The following TMEM117 variants were observed in gnomAD, a reference collection of about 807,000 sequenced individuals.
TMEM117 encodes transmembrane protein 117.
In TMEM117, 27 loss-of-function variants were observed where a neutral mutation model predicts 52.4. The ratio of observed to expected loss-of-function variants is 0.51; its 90% CI spans 0.38 to 0.71. The LOEUF (loss-of-function observed/expected upper bound fraction) is 0.71. Among genes scored for constraint, TMEM117 ranks in the 30% least tolerant of loss-of-function variants. The pLI is 0.00. For synonymous variants in TMEM117, 215 were observed against 206.3 expected (o/e 1.04, Z -0.36); for missense variants, 556 against 630.5 (o/e 0.88, Z 1.26).
chr12:43,797,406 T>A, the TMEM117 span: 1 of 1,601,896 alleles, frequency 6.2e-7, no homozygotes, highest in Non-Finnish European at 8.5e-7. Context: ...CAGTTCTGTA[T>A]TTGTTGTGTT....
chr12:44,361,455 G>A (rs1951719671), intron 6 of TMEM117, among the ~76,000 whole-genome samples: 1 of 152,128 alleles, frequency 6.6e-6, no homozygotes, highest in African/African-American at 2.4e-5. Context: ...TGTTTAACTT[G>A]TTTGCCTCTT....
chr12:44,271,344 A>G (rs1005343474), intron 5 of TMEM117, among the ~76,000 whole-genome samples: 1 of 152,070 alleles, frequency 6.6e-6, no homozygotes, highest in African/African-American at 2.4e-5. Context: ...AGATTAAGAA[A>G]TTAGGCCTGA....
At chr12:43,860,693 G>C (rs527750339) in intron 2 of TMEM117, among the ~76,000 whole-genome samples, 245 of 152,220 alleles carry the variant, frequency 1.6e-3, no homozygotes, top group Admixed American at 3.5e-3. Context: ...TGGAGCAGAG[G>C]GAACAGAAAA....
chr12:43,963,653 A>G (rs77611688), intron 3 of TMEM117, among the ~76,000 whole-genome samples: 288 of 152,324 alleles, frequency 1.9e-3, no homozygotes, highest in Admixed American at 5.0e-3. Flanking sequence ...TAGCCATACA[A>G]TGAGTGATGA....
intron 6 of TMEM117, among the ~76,000 whole-genome samples, chr12:44,366,921 C>T (rs941505523): frequency 1.3e-5 from 2 of 152,234 alleles, no homozygotes; most frequent in Admixed American, 6.6e-5. Flanking sequence ...ACTACTGGTA[C>T]AGCAGTGGTA....
chr12:44,272,921 C>T (rs1187237293), intron 5 of TMEM117, among the ~76,000 whole-genome samples: 4 of 152,054 alleles, frequency 2.6e-5, no homozygotes, highest in Admixed American at 2.0e-4. Flanking sequence ...CACATGCACA[C>T]GTATGTTTAT....
rs887859034 is a variant in TMEM117, at chr12:43,997,009, C to T, written c.410+52667C>T. ...GTGCCTGTGATTCCAGTTGTTCTGG[C>T]GGCTCAGTCTTAAGCCAGTAGATTC... On this transcript the variant is annotated intron_variant, in intron 3 of 7. Coordinates refer to ENST00000266534, the MANE Select transcript of TMEM117 (RefSeq NM_032256.3). 5.3e-5 allele frequency among the ~76,000 whole-genome samples: 8 copies of T among 152,182 alleles called. 1 individual carries two copies. Among genetic ancestry groups the T allele is most frequent in the South Asian group, 2.1e-4 (1 of 4,826 alleles).
chr12:44,388,862 T>C lies in TMEM117; in HGVS notation c.*190T>C. The C allele has an allele frequency of 3.1e-6, 2 of 646,196 alleles. No homozygotes were observed. Among genetic ancestry groups the C allele is most frequent in the South Asian group, 4.1e-5 (2 of 49,318 alleles). 40.0% of individuals were successfully genotyped at this position (646,196 alleles called of 1,614,324 possible). A position where few individuals can be genotyped will look rare whatever the true frequency, so the allele number is the denominator to read the frequency against. On this transcript the variant is annotated 3_prime_UTR_variant, in exon 8 of 8. Coordinates refer to ENST00000266534, the MANE Select transcript of TMEM117 (RefSeq NM_032256.3). ...TTTGTATTATAATACACGTGCCTAC[T>C]GTATACTCAACAGTCCTCTAGAGAT...
At position 44,297,584 on chromosome 12, in the gene TMEM117, T is replaced by G. The variant is rs74084477; in HGVS notation, c.609-1996T>G. Among the ~76,000 whole-genome samples, 7 of 152,256 alleles carry G rather than the reference T, an allele frequency of 4.6e-5. No homozygotes were observed. In the East Asian group the frequency reaches 1.4e-3, roughly 29 times the overall value. On this transcript the variant is annotated intron_variant, in intron 5 of 7. Transcript: ENST00000266534. The stretch of plus-strand genomic sequence containing the variant: ...TGAGTGCATTCCTGTAAAGTGTATA[T>G]ATTTATAGCATCCTTGTGGGAAATG...
intron 5 of TMEM117, among the ~76,000 whole-genome samples, chr12:44,289,159 T>G (rs892018315): frequency 6.6e-6 from 1 of 152,118 alleles, no homozygotes; most frequent in African/African-American, 2.4e-5. Context: ...TAATGTTCTT[T>G]AGGTGCATCC....
chr12:44,014,356 T>C (rs1946341726), intron 3 of TMEM117, among the ~76,000 whole-genome samples: 2 of 152,064 alleles, frequency 1.3e-5, no homozygotes, highest in African/African-American at 2.4e-5. Flanking sequence ...GATTGAAAGA[T>C]GAAGCTGATG....
At position 43,887,601 on chromosome 12, in the gene TMEM117, C is replaced by T. The variant is rs78514034; in HGVS notation, c.277+42673C>T. 2.5e-3 allele frequency among the ~76,000 whole-genome samples: 388 copies of T among 152,244 alleles called. 12 individuals are homozygous for T. The East Asian group carries it at 0.065, about 26-fold the overall frequency. On this transcript the variant is annotated intron_variant, in intron 2 of 7. Transcript: ENST00000266534. ...AGACATTTGATCTCAGGACAGGTGC[C>T]CCTGCTGCAGAAGACCGCCAGCACC...
At chr12:44,311,339 A>G (rs1028029842) in intron 6 of TMEM117, among the ~76,000 whole-genome samples, 21 of 152,316 alleles carry the variant, frequency 1.4e-4, no homozygotes, top group African/African-American at 5.1e-4. Flanking sequence ...AAGGAGGTAC[A>G]TATATCTCAG....
chr12:44,147,025 C>T (rs1948652642), intron 4 of TMEM117, among the ~76,000 whole-genome samples: 2 of 152,164 alleles, frequency 1.3e-5, no homozygotes, highest in African/African-American at 4.8e-5. Flanking sequence ...TCTTAGGCAG[C>T]TCTGACTTTT....
intron 5 of TMEM117, among the ~76,000 whole-genome samples, chr12:44,231,203 C>A (rs917185597): frequency 1.3e-5 from 2 of 151,872 alleles, no homozygotes; most frequent in Non-Finnish European, 2.9e-5. Context: ...CATTCCCAAG[C>A]AATACAGTTC....
chr12:44,295,263 G>C (rs1229340530), intron 5 of TMEM117, among the ~76,000 whole-genome samples: 1 of 152,092 alleles, frequency 6.6e-6, no homozygotes, highest in Non-Finnish European at 1.5e-5. Context: ...GAGTTGAGTG[G>C]TGTGATCTTG....
rs182758320 is a variant in TMEM117, at chr12:43,913,932, C to T, written c.278-30278C>T. On this transcript the variant is annotated intron_variant, in intron 2 of 7. Transcript: ENST00000266534. ...CAAGTAGGACAAAAGTTCTCATGGG[C>T]TTTTCCGTTTATATTGATGTATTTT... Among the ~76,000 whole-genome samples, 135 of 152,216 alleles carry T rather than the reference C, an allele frequency of 8.9e-4. No homozygotes were observed. In the East Asian group the frequency reaches 0.016, roughly 18 times the overall value.
At chr12:43,800,510 A>G in the TMEM117 span, 4 of 1,613,668 alleles carry the variant, frequency 2.5e-6, no homozygotes, top group South Asian at 2.2e-5. Context: ...TTGTTGCTGC[A>G]TACAACATTT....
intron 5 of TMEM117, among the ~76,000 whole-genome samples, chr12:44,241,516 G>A (rs1298738711): frequency 6.6e-6 from 1 of 151,832 alleles, no homozygotes; most frequent in Admixed American, 6.6e-5. Context: ...ATTTTTACGT[G>A]ATCAAATCTA....
Sources: allele counts gnomAD v4.1 joint callset (sites outside exome capture counted in the v4.1 genomes callset), GRCh38; gene constraint gnomAD v4.1.1; transcripts MANE v1.5; gene names NCBI Gene and HGNC (gene_info 2026-07-23, HGNC 2026-07-21).